PPP3CA: variants seen among roughly 807,000 people sequenced by gnomAD.
The protein encoded by PPP3CA is CAM-PRP catalytic subunit.
Under a neutral mutation model 66.5 loss-of-function variants are expected in PPP3CA, and 14 were observed. That is an observed-to-expected ratio of 0.21 (90% confidence interval 0.14 to 0.33). PPP3CA has a LOEUF of 0.33. Among genes scored for constraint, PPP3CA ranks in the 10% least tolerant of loss-of-function variants. PPP3CA has a pLI of 1.00. For missense variants in PPP3CA, 317 were observed against 639.5 expected, an observed-to-expected ratio of 0.50 and a Z score of 5.44; for synonymous variants, 232 against 226.2, an observed-to-expected ratio of 1.03 and a Z score of -0.23.
rs547955993 is a variant in PPP3CA at position 101,312,724 on chromosome 4, A to G, written c.58+34015T>C. On this transcript the variant is annotated intron_variant, in intron 1 of 13. Transcript: ENST00000394854. ...AATAATCTTTAATTATTAATTTTTT[A>G]AAAGAAAATGTATAGATTAATACAA... Among the ~76,000 whole-genome samples the G allele has an allele frequency of 6.5e-4, 99 of 152,304 alleles. 1 individual carries two copies. Among genetic ancestry groups the G allele is most frequent in the African/African-American group, 2.4e-3 (98 of 41,572 alleles).
chr4:101,205,527 C>G (rs1044863836), intron 1 of PPP3CA, among the ~76,000 whole-genome samples: 11 of 152,034 alleles, frequency 7.2e-5, no homozygotes, highest in Admixed American at 7.2e-4. Flanking sequence ...AAACATAGTA[C>G]TTGCCTTCTT....
chr4:101,229,228 CATT>C (rs1725879959), intron 1 of PPP3CA, among the ~76,000 whole-genome samples: 1 of 112,130 alleles, frequency 8.9e-6, no homozygotes, highest in Non-Finnish European at 2.0e-5. Context: ...AACTTTTATT[CATT>C]ATTTTACACT....
intron 1 of PPP3CA, among the ~76,000 whole-genome samples, chr4:101,243,246 T>G (rs1372473851): frequency 6.6e-6 from 1 of 152,236 alleles, no homozygotes; most frequent in Non-Finnish European, 1.5e-5. Context: ...ATACACCGTT[T>G]GTGTGCACAC....
At chr4:101,052,556 T>C (rs1728058500) in intron 10 of PPP3CA, among the ~76,000 whole-genome samples, 2 of 151,608 alleles carry the variant, frequency 1.3e-5, no homozygotes, top group South Asian at 4.2e-4. Flanking sequence ...ACAAAAATAT[T>C]AGGCAACTGA....
intron 2 of PPP3CA, among the ~76,000 whole-genome samples, chr4:101,120,005 G>T (rs1721974957): frequency 6.6e-6 from 1 of 151,998 alleles, no homozygotes; most frequent in South Asian, 2.1e-4. Flanking sequence ...TTAAAATATT[G>T]TTCAGACATA....
chr4:101,107,363 T>C (rs1041359443), intron 3 of PPP3CA, among the ~76,000 whole-genome samples: 2 of 152,344 alleles, frequency 1.3e-5, no homozygotes, highest in East Asian at 1.9e-4. Flanking sequence ...TTTTGCAACG[T>C]AGATTTAGGT....
chr4:101,106,451 A>AG lies in PPP3CA; in HGVS notation c.384+2502_384+2503insC, dbSNP rs1560605099. 1.1e-3 allele frequency among the ~76,000 whole-genome samples: 12 copies of AG among 11,388 alleles called. 1 individual carries two copies. The highest frequency in any genetic ancestry group is 1.8e-3 in the Non-Finnish European group (11 of 6,186). The allele number at this position is 11,388 out of a possible 152,430, so 7.5% of individuals were successfully genotyped here. A position where few individuals can be genotyped will look rare whatever the true frequency, so the allele number is the denominator to read the frequency against. On this transcript the variant is annotated intron_variant, in intron 3 of 13. Transcript: ENST00000394854. ...AAAGAAAGAAAGAAAGAAAGAAAGA[A>AG]AGAGAAAAGAAAAGAAAAGAAAAGA...
intron 5 of PPP3CA, among the ~76,000 whole-genome samples, chr4:101,095,503 T>C (rs1730155573): frequency 1.3e-5 from 2 of 152,140 alleles, no homozygotes; most frequent in Admixed American, 1.3e-4. Flanking sequence ...TGTATGAAAA[T>C]TGAATATAAT....
At chr4:101,283,565 A>G (rs1007539859) in intron 1 of PPP3CA, among the ~76,000 whole-genome samples, 1 of 152,228 alleles carries the variant, frequency 6.6e-6, no homozygotes, top group African/African-American at 2.4e-5. Flanking sequence ...AGGGAAAAAC[A>G]TATTTCTCTT....
intron 10 of PPP3CA, among the ~76,000 whole-genome samples, chr4:101,054,651 G>C (rs921097101): frequency 8.5e-5 from 13 of 152,054 alleles, no homozygotes; most frequent in African/African-American, 2.4e-4. Context: ...TTAACAGCTA[G>C]ACAGAAATAG....
chr4:101,190,927 G>A (rs191028697), intron 2 of PPP3CA, among the ~76,000 whole-genome samples: 3 of 152,234 alleles, frequency 2.0e-5, no homozygotes, highest in Non-Finnish European at 4.4e-5. Context: ...TAATGAGCAG[G>A]AAAACATTGT....
At chr4:101,342,998 C>T (rs1470581342) in intron 1 of PPP3CA, among the ~76,000 whole-genome samples, 7 of 152,060 alleles carry the variant, frequency 4.6e-5, no homozygotes, top group Non-Finnish European at 7.4e-5. Context: ...ACATGAAGTA[C>T]GTAAGCTGGC....
Position 101,347,320 on chromosome 4 carries a change from C to A in PPP3CA, c.-524G>T. The stretch of plus-strand genomic sequence containing the variant: ...GTCCCCGGCGGCGGAGAGGCGGCCG[C>A]CGCTGCTGCCGCTGCTGCTGCCGCT... On this transcript the variant is annotated 5_prime_UTR_variant, in exon 1 of 14. Transcript: ENST00000394854. 1 of 202,416 alleles carries A rather than the reference C, an allele frequency of 4.9e-6. No individual in the cohort carries two copies. Among genetic ancestry groups the A allele is most frequent in the South Asian group, 7.1e-5 (1 of 14,002 alleles). The allele number at this position is 202,416 out of a possible 1,614,324, so 12.5% of individuals were successfully genotyped here. A position where few individuals can be genotyped will look rare whatever the true frequency, so the allele number is the denominator to read the frequency against.
chr4:101,240,818 T>G (rs1347410735), intron 1 of PPP3CA: 1 of 152,130 alleles, frequency 6.6e-6, no homozygotes, highest in African/African-American at 2.4e-5. Flanking sequence ...ATCCAAAAGA[T>G]CACATTGTAA....
At chr4:101,235,251 G>A (rs1199493579) in intron 1 of PPP3CA, among the ~76,000 whole-genome samples, 1 of 151,756 alleles carries the variant, frequency 6.6e-6, no homozygotes, top group Non-Finnish European at 1.5e-5. Flanking sequence ...GGCCTGAATT[G>A]CCTTAGGAGT....
intron 1 of PPP3CA, among the ~76,000 whole-genome samples, chr4:101,315,349 G>C (rs1728852235): frequency 6.6e-6 from 1 of 152,114 alleles, no homozygotes; most frequent in African/African-American, 2.4e-5. Context: ...CAACCCAAAT[G>C]AACTAAGACA....
chr4:101,059,373 C>A (rs746349704), intron 10 of PPP3CA, among the ~76,000 whole-genome samples: 7 of 152,114 alleles, frequency 4.6e-5, no homozygotes, highest in Non-Finnish European at 8.8e-5. Context: ...TTGCACATCT[C>A]CTTGCGATGT....
chr4:101,321,096 T>C lies in PPP3CA; in HGVS notation c.58+25643A>G, dbSNP rs141890618. ...AGTATTTTTGGCAGGATTTAAGCTA[T>C]TTTCTATCAAAAGACATGATTTGTG... On this transcript the variant is annotated intron_variant, in intron 1 of 13. Transcript: ENST00000394854. 3.0e-3 allele frequency among the ~76,000 whole-genome samples: 459 copies of C among 152,326 alleles called. 5 individuals are homozygous for C. Among genetic ancestry groups the C allele is most frequent in the African/African-American group, 0.01 (436 of 41,570 alleles).
intron 1 of PPP3CA, among the ~76,000 whole-genome samples, chr4:101,305,603 T>C (rs778144102): frequency 6.6e-6 from 1 of 152,162 alleles, no homozygotes; most frequent in Non-Finnish European, 1.5e-5. Flanking sequence ...AGAGTACAAA[T>C]ATGGAGGAAA....
Sources: allele counts gnomAD v4.1 joint callset (sites outside exome capture counted in the v4.1 genomes callset), GRCh38; gene constraint gnomAD v4.1.1; transcripts MANE v1.5; gene names NCBI Gene and HGNC (gene_info 2026-07-23, HGNC 2026-07-21).